Variants in BRINP3 observed in about 807,000 individuals in gnomAD.
BRINP3 encodes the protein BMP/retinoic acid-inducible neural-specific protein 3.
In BRINP3, 19 loss-of-function variants were observed where a neutral mutation model predicts 71.0. The observed-to-expected ratio is 0.27, with a 90% CI of 0.19 to 0.39. The LOEUF (loss-of-function observed/expected upper bound fraction) is 0.39, where lower values mean the gene tolerates loss of function less well. Among genes scored for constraint, BRINP3 ranks in the 10% least tolerant of loss-of-function variants. The probability of loss-of-function intolerance (pLI) is 1.00; values close to 1 mark genes in which losing one functional copy is unlikely to be tolerated. For missense variants in BRINP3, 959 were observed against 940.8 expected, an observed-to-expected ratio of 1.02 and a Z score of -0.25; for synonymous variants, 380 against 337.7, an observed-to-expected ratio of 1.13 and a Z score of -1.37.
At chr1:190,319,257 C>T (rs557340094) in intron 2 of BRINP3, among the ~76,000 whole-genome samples, 21 of 152,162 alleles carry the variant, frequency 1.4e-4, no homozygotes, top group Middle Eastern at 3.4e-3. Flanking sequence ...CCCTTATTCC[C>T]CTTTCTCCTC....
At chr1:190,192,838 T>A (rs1654164431) in intron 6 of BRINP3, among the ~76,000 whole-genome samples, 1 of 152,158 alleles carries the variant, frequency 6.6e-6, no homozygotes, top group Admixed American at 6.6e-5. Context: ...GAAGAACTGA[T>A]GTAACTGAAT....
intron 2 of BRINP3, among the ~76,000 whole-genome samples, chr1:190,333,660 T>C (rs957616055): frequency 2.0e-5 from 3 of 151,932 alleles, no homozygotes; most frequent in African/African-American, 4.8e-5. Context: ...GGACTGAAAG[T>C]GAATTTAAGT....
At chr1:190,099,327 C>G (rs894996011) in intron 7 of BRINP3, among the ~76,000 whole-genome samples, 193 bp from the exon 8 acceptor site, 12 of 139,572 alleles carry the variant, frequency 8.6e-5, no homozygotes, top group East Asian at 4.3e-4. Flanking sequence ...CACACACACA[C>G]AGACGTGTGT....
rs1176778527 is a variant in BRINP3 at position 190,454,708 on chromosome 1, T to G, written c.183A>C (p.Thr61=). Residue 61 remains threonine, a synonymous_variant, in exon 2 of 8, where the codon ACA becomes ACC. Transcript: ENST00000367462. The part of the protein sequence containing the change: ...KGPFHRSQEY[T]DFVDRSRQGF... ...CCTGCCGGCTTCTGTCCACAAAATC[T>G]GTGTATTCCTGTGAGCGATGGAAGG... 1.2e-6 allele frequency: 2 copies of G among 1,614,162 alleles called. No homozygotes were observed. The highest frequency in any genetic ancestry group is 1.6e-4 in the Middle Eastern group (1 of 6,062).
chr1:190,145,538 A>G (rs1250966639), intron 7 of BRINP3, among the ~76,000 whole-genome samples: 1 of 152,142 alleles, frequency 6.6e-6, no homozygotes, highest in East Asian at 1.9e-4. Flanking sequence ...TCAGGGAAGA[A>G]TTTCATTTTT....
chr1:190,107,664 G>A (rs553803103), intron 7 of BRINP3, among the ~76,000 whole-genome samples: 1 of 151,928 alleles, frequency 6.6e-6, no homozygotes, highest in Non-Finnish European at 1.5e-5. Context: ...CCTAATTGGA[G>A]TATGATCTCC....
chr1:190,437,698 T>C (rs1018118425), intron 2 of BRINP3, among the ~76,000 whole-genome samples: 8 of 151,828 alleles, frequency 5.3e-5, no homozygotes, highest in Non-Finnish European at 8.9e-5. Context: ...ATTATTTGTT[T>C]AAGTAATTTT....
intron 2 of BRINP3, among the ~76,000 whole-genome samples, chr1:190,407,494 C>A (rs946695647): frequency 6.6e-6 from 1 of 152,130 alleles, no homozygotes; most frequent in Non-Finnish European, 1.5e-5. Context: ...ACTCCAACCT[C>A]TCTCCAGAGA....
At chr1:190,443,694 G>A (rs867968444) in intron 2 of BRINP3, among the ~76,000 whole-genome samples, 14 of 152,170 alleles carry the variant, frequency 9.2e-5, no homozygotes, top group African/African-American at 3.4e-4. Flanking sequence ...ACCAATGTCT[G>A]TTATCCTTGC....
At chr1:190,195,408 TCCCTTGGTGAAGAAAATGTAATCCTAG>T (rs1163988254) in intron 6 of BRINP3, among the ~76,000 whole-genome samples, 1 of 152,014 alleles carries the variant, frequency 6.6e-6, no homozygotes, top group African/African-American at 2.4e-5. Flanking sequence ...CTGAAGGCAC[TCCCTTGGTGAAGAAAATGTAATCCTAG>T]CCCTGCAGTT....
rs539028687 is a variant in BRINP3, at chr1:190,115,828, G to A, written c.1185-16694C>T. On this transcript the variant is annotated intron_variant, in intron 7 of 7. Coordinates refer to ENST00000367462, the MANE Select transcript of BRINP3 (RefSeq NM_199051.3). Reference sequence around the variant, plus strand: ...CATATAGACTATGGTGGATGAAATTGATTTTCTGAACAGGTTCTACCTATC... The same window carrying A: ...CATATAGACTATGGTGGATGAAATTAATTTTCTGAACAGGTTCTACCTATC... Among the ~76,000 whole-genome samples the A allele has an allele frequency of 1.3e-4, 20 of 152,206 alleles. 1 individual carries two copies. Among genetic ancestry groups the A allele is most frequent in the African/African-American group, 4.8e-4 (20 of 41,554 alleles).
intron 4 of BRINP3, among the ~76,000 whole-genome samples, chr1:190,238,404 C>A (rs2102756875): frequency 6.6e-6 from 1 of 152,032 alleles, no homozygotes; most frequent in East Asian, 1.9e-4. Context: ...AGTTGCAATT[C>A]ATATATACAG....
chr1:190,259,675 C>A (rs1025635728), intron 4 of BRINP3, among the ~76,000 whole-genome samples: 1 of 150,296 alleles, frequency 6.7e-6, no homozygotes, highest in African/African-American at 2.4e-5. Context: ...AAATAAAGTG[C>A]AATACAGACT....
At chr1:190,301,083 A>G (rs1664648836) in intron 2 of BRINP3, among the ~76,000 whole-genome samples, 1 of 150,376 alleles carries the variant, frequency 6.6e-6, no homozygotes, top group Non-Finnish European at 1.5e-5. Flanking sequence ...TTATGTATCT[A>G]TAGTAATGTT....
intron 6 of BRINP3, among the ~76,000 whole-genome samples, chr1:190,165,787 A>G (rs1350900410): frequency 6.6e-6 from 1 of 152,094 alleles, no homozygotes; most frequent in East Asian, 1.9e-4. Flanking sequence ...GCAAGATATG[A>G]AAGAAGTGGG....
chr1:190,175,609 ATTC>A (rs1472104418), intron 6 of BRINP3, among the ~76,000 whole-genome samples: 1 of 152,154 alleles, frequency 6.6e-6, no homozygotes, highest in Non-Finnish European at 1.5e-5. Flanking sequence ...TTTGGAAATG[ATTC>A]TTAATATATT....
chr1:190,387,143 C>T (rs1377864499), intron 2 of BRINP3, among the ~76,000 whole-genome samples: 1 of 151,884 alleles, frequency 6.6e-6, no homozygotes, highest in Admixed American at 6.6e-5. Flanking sequence ...AGAACCATCA[C>T]TATTATATCT....
chr1:190,422,110 A>AT (rs534117941), intron 2 of BRINP3, among the ~76,000 whole-genome samples: 217 of 151,532 alleles, frequency 1.4e-3, no homozygotes, highest in African/African-American at 5.1e-3. Flanking sequence ...ATTCTTTAAC[A>AT]TTTTTTTTAC....
chr1:190,399,465 G>T (rs1411878180), intron 2 of BRINP3, among the ~76,000 whole-genome samples: 1 of 151,862 alleles, frequency 6.6e-6, no homozygotes, highest in Non-Finnish European at 1.5e-5. Context: ...GCATGAAACT[G>T]AAGTATATTT....
Sources: allele counts gnomAD v4.1 joint callset (sites outside exome capture counted in the v4.1 genomes callset), GRCh38; gene constraint gnomAD v4.1.1; transcripts MANE v1.5; gene names NCBI Gene and HGNC (gene_info 2026-07-23, HGNC 2026-07-21).